SPSB4: variants seen among roughly 807,000 people sequenced by gnomAD.
SPSB4 encodes the protein splA/ryanodine receptor domain and SOCS box containing 4, also known as SPRY domain-containing SOCS box protein 4.
Under a neutral mutation model 20.9 loss-of-function variants are expected in SPSB4, and 21 were observed. The observed-to-expected ratio is 1.01, with a 90% CI of 0.71 to 1.45. The LOEUF (loss-of-function observed/expected upper bound fraction) is 1.45. Ranked by LOEUF, SPSB4 falls within the 40% of genes most tolerant of loss-of-function variation. The probability of loss-of-function intolerance (pLI) is 0.00; values close to 1 mark genes in which losing one functional copy is unlikely to be tolerated. For missense variants in SPSB4, 399 were observed against 399.2 expected, an observed-to-expected ratio of 1.00 and a Z score of 0.00; for synonymous variants, 207 against 183.8, an observed-to-expected ratio of 1.13 and a Z score of -1.02.
chr3:141,134,030 C>CTTTTT (rs1207127072), intron 2 of SPSB4, among the ~76,000 whole-genome samples: 21 of 37,724 alleles, frequency 5.6e-4, no homozygotes, highest in African/African-American at 1.4e-3. Context: ...TTTTTTTTTT[C>CTTTTT]TTTTCTTTTT....
intron 2 of SPSB4, among the ~76,000 whole-genome samples, chr3:141,140,066 C>T (rs1027530878): frequency 5.3e-5 from 8 of 152,118 alleles, no homozygotes; most frequent in South Asian, 2.1e-4. Context: ...TTTCTCTTCA[C>T]GCTTCATTTC....
intron 2 of SPSB4, among the ~76,000 whole-genome samples, chr3:141,074,561 T>A (rs543850495): frequency 1.9e-4 from 29 of 152,308 alleles, no homozygotes; most frequent in African/African-American, 6.7e-4. Flanking sequence ...CACAGGCCAT[T>A]GTGAGTTTGT....
chr3:141,107,154 C>T (rs1173608849), intron 2 of SPSB4, among the ~76,000 whole-genome samples: 1 of 152,156 alleles, frequency 6.6e-6, no homozygotes, highest in Non-Finnish European at 1.5e-5. Context: ...TGGGGCAAAG[C>T]CTCAGGAAAA....
chr3:141,144,056 A>G (rs1479456779), intron 2 of SPSB4, among the ~76,000 whole-genome samples: 1 of 152,262 alleles, frequency 6.6e-6, no homozygotes, highest in Non-Finnish European at 1.5e-5. Flanking sequence ...GAATCACCAC[A>G]GCTGTTTGAG....
intron 2 of SPSB4, among the ~76,000 whole-genome samples, chr3:141,084,455 G>C (rs530496441): frequency 3.8e-4 from 58 of 152,314 alleles, no homozygotes; most frequent in African/African-American, 1.3e-3. Flanking sequence ...CACAGAGTAA[G>C]CTTAGCTTCC....
chr3:141,059,617 C>T (rs1576513377), intron 1 of SPSB4, among the ~76,000 whole-genome samples: 1 of 152,260 alleles, frequency 6.6e-6, no homozygotes, highest in African/African-American at 2.4e-5. Context: ...ACAGCTCCCA[C>T]CAGGCCTCAC....
intron 2 of SPSB4, among the ~76,000 whole-genome samples, chr3:141,078,548 A>G (rs1938161662): frequency 6.6e-6 from 1 of 152,228 alleles, no homozygotes; most frequent in African/African-American, 2.4e-5. Context: ...GGGGACCTGA[A>G]GATCCTTTCC....
chr3:141,135,178 T>TA (rs1939205380), intron 2 of SPSB4, among the ~76,000 whole-genome samples: 1 of 152,106 alleles, frequency 6.6e-6, no homozygotes, highest in East Asian at 1.9e-4. Context: ...GAGTAAAATA[T>TA]AATTGTTGTA....
intron 2 of SPSB4, among the ~76,000 whole-genome samples, chr3:141,083,079 A>G (rs1938270613): frequency 6.6e-6 from 1 of 151,492 alleles, no homozygotes; most frequent in Non-Finnish European, 1.5e-5. Context: ...GCTCTAGGCC[A>G]TCTCTGCTTT....
intron 2 of SPSB4, chr3:141,076,893 C>T (rs1197302191): frequency 1.3e-5 from 2 of 152,346 alleles, no homozygotes; most frequent in East Asian, 3.9e-4. Context: ...ACTCTTCTGA[C>T]TTGCTGATGA....
intron 2 of SPSB4, among the ~76,000 whole-genome samples, chr3:141,146,838 C>A (rs1014395086): frequency 6.6e-6 from 1 of 151,352 alleles, no homozygotes; most frequent in Non-Finnish European, 1.5e-5. Context: ...TTTCATGAAA[C>A]AATATTTATC....
chr3:141,124,611 A>G (rs530594167), intron 2 of SPSB4, among the ~76,000 whole-genome samples: 233 of 152,264 alleles, frequency 1.5e-3, no homozygotes, highest in Non-Finnish European at 2.3e-3. Flanking sequence ...GGATGGGACA[A>G]AGAGATGTTT....
rs768999377 is a variant in SPSB4, at chr3:141,066,798, C to G, written c.694C>G (p.Pro232Ala). 3.3e-6 allele frequency: 5 copies of G among 1,536,658 alleles called. No individual in the cohort carries two copies. Among genetic ancestry groups the G allele is most frequent in the East Asian group, 4.6e-5 (2 of 43,642 alleles). Residue 232 changes from proline to alanine, a missense_variant and splice_region_variant, in exon 2 of 3, where the codon CCC becomes GCC. Transcript: ENST00000310546. ...VTMRYINGLD[P>A]EPLPLMDLCR... The stretch of plus-strand genomic sequence containing the variant: ...CATGCGCTACATCAACGGCCTTGAC[C>G]GTAAGTTGTGCTGGGCTGGGGGGCA...
At position 141,066,400 on chromosome 3, in the gene SPSB4, C is replaced by T. The variant is rs923248919; in HGVS notation, c.296C>T (p.Ala99Val). 6.5e-7 allele frequency: 1 copy of T among 1,536,060 alleles called. No homozygotes were observed. Among genetic ancestry groups the T allele is most frequent in the Admixed American group, 2.0e-5 (1 of 49,216 alleles). ...GTGGGCCACGCCCGCGGCCTGCACG[C>T]CTGGCAGATCAACTGGCCGGCTCGG... ...GKVGHARGLH[A>V]WQINWPARQR... is the part of the protein sequence containing the mutation. Residue 99 changes from alanine to valine, a missense_variant, in exon 2 of 3, where the codon GCC (alanine) becomes GTC (valine). Coordinates refer to ENST00000310546, the MANE Select transcript of SPSB4 (RefSeq NM_080862.3).
At chr3:141,104,948 C>A (rs1938665981) in intron 2 of SPSB4, among the ~76,000 whole-genome samples, 1 of 152,134 alleles carries the variant, frequency 6.6e-6, no homozygotes, top group Admixed American at 6.5e-5. Flanking sequence ...ACCCAAGATC[C>A]CACCTCTGGA....
chr3:141,070,551 A>AT (rs962445430), intron 2 of SPSB4, among the ~76,000 whole-genome samples: 8 of 151,558 alleles, frequency 5.3e-5, no homozygotes, highest in African/African-American at 1.2e-4. Flanking sequence ...TTAAAAAAAA[A>AT]TTTTTTTTGT....
chr3:141,144,622 A>G (rs1939383147), intron 2 of SPSB4, among the ~76,000 whole-genome samples: 1 of 152,268 alleles, frequency 6.6e-6, no homozygotes, highest in African/African-American at 2.4e-5. Context: ...TCCCCTCAGA[A>G]GTTCGGAGAG....
chr3:141,056,457 G>A (rs1261674170), intron 1 of SPSB4, among the ~76,000 whole-genome samples: 1 of 152,092 alleles, frequency 6.6e-6, no homozygotes, highest in Non-Finnish European at 1.5e-5. Flanking sequence ...TCTCAAAAAT[G>A]CCCCCAGAGA....
chr3:141,136,648 G>GA (rs1939232984), intron 2 of SPSB4, among the ~76,000 whole-genome samples: 1 of 152,180 alleles, frequency 6.6e-6, no homozygotes, highest in Non-Finnish European at 1.5e-5. Context: ...TCAGATGGTT[G>GA]TAGGTGTGTG....
Sources: allele counts gnomAD v4.1 joint callset (sites outside exome capture counted in the v4.1 genomes callset), GRCh38; gene constraint gnomAD v4.1.1; transcripts MANE v1.5; gene names NCBI Gene and HGNC (gene_info 2026-07-23, HGNC 2026-07-21).